CWF19L1: variants seen among roughly 807,000 people sequenced by gnomAD.
The protein encoded by CWF19L1 is CWF19-like protein 1.
In CWF19L1, 60 loss-of-function variants were observed where a neutral mutation model predicts 69.7. That is an observed-to-expected ratio of 0.86 (90% CI 0.70 to 1.07). CWF19L1 has a LOEUF of 1.07. CWF19L1 is among the 50% of genes least tolerant of loss of function. The pLI, the probability that CWF19L1 is intolerant of heterozygous loss-of-function variation, is 0.00. For synonymous variants in CWF19L1, 209 were observed against 222.2 expected (o/e 0.94, Z 0.53); for missense variants, 591 against 638.9 (o/e 0.92, Z 0.81).
At chr10:100,248,129 GA>G in intron 7 of CWF19L1, 1 of 543,778 alleles carries the variant, frequency 1.8e-6, no homozygotes. Flanking sequence ...TATTCAGTTT[GA>G]AAGGGCAATT....
intron 1 of CWF19L1, among the ~76,000 whole-genome samples, chr10:100,266,025 A>C (rs1847568953): frequency 6.6e-6 from 1 of 152,116 alleles, no homozygotes; most frequent in Non-Finnish European, 1.5e-5. Context: ...CTCATTTCTC[A>C]GAACATAACC....
intron 10 of CWF19L1, among the ~76,000 whole-genome samples, chr10:100,242,308 A>C (rs1278334081): frequency 1.3e-5 from 2 of 152,220 alleles, no homozygotes; most frequent in Non-Finnish European, 2.9e-5. Context: ...TCCACTACTA[A>C]GCAAAACTGA....
At chr10:100,259,594 C>T (rs1022759848) in intron 4 of CWF19L1, among the ~76,000 whole-genome samples, 4 of 152,118 alleles carry the variant, frequency 2.6e-5, no homozygotes, top group African/African-American at 9.7e-5. Context: ...CCTTAAGTAT[C>T]CCATATACTA....
At chr10:100,237,215 C>T (rs1296266238) in intron 11 of CWF19L1, 2 of 685,690 alleles carry the variant, frequency 2.9e-6, no homozygotes, top group South Asian at 1.4e-5. Flanking sequence ...CCGTCACAAG[C>T]CTTTGCCATC....
chr10:100,253,103 T>C (rs1009863474), intron 6 of CWF19L1, among the ~76,000 whole-genome samples: 1 of 152,182 alleles, frequency 6.6e-6, no homozygotes, highest in African/African-American at 2.4e-5. Flanking sequence ...CACTATAGTC[T>C]TGAACTCCTG....
rs1432325567 is a variant in CWF19L1 at position 100,233,220 on chromosome 10, C to T, written c.*7G>A. The T allele has an allele frequency of 6.3e-7, 1 of 1,596,778 alleles. No individual in the cohort carries two copies. The highest frequency in any genetic ancestry group is 1.8e-5 in the Admixed American group (1 of 56,726). ...TGTGGAGTTCATAAAAAGTTCTTCC[C>T]TTTGTTTTAGTCATCCAGAGTAAAG... On this transcript the variant is annotated 3_prime_UTR_variant, in exon 14 of 14. Coordinates refer to ENST00000354105, the MANE Select transcript of CWF19L1 (RefSeq NM_018294.6).
Position 100,236,866 on chromosome 10 carries a change from T to G in CWF19L1, c.1358A>C (p.His453Pro). The change falls in exon 12 of 14, where the codon CAC becomes CCC. Residue 453 changes from histidine to proline, a missense_variant. His to Pro is a moderately conservative substitution (Grantham distance 77). Around this residue, in one of 3 missense-constraint regions of CWF19L1, gnomAD observed 458 missense variants for 489.3 expected, o/e 0.94. Transcript: ENST00000354105. Reference sequence around the variant, plus strand: ...CTGTTTCACCTGCTTGATGTCAGAGTGCTCTGGGATTTCCAACAGCTCTAT... The same window carrying G: ...CTGTTTCACCTGCTTGATGTCAGAGGGCTCTGGGATTTCCAACAGCTCTAT... ...QQIELLEIPE[H>P]SDIKQIAQPG... 6.2e-7 allele frequency: 1 copy of G among 1,601,684 alleles called. No homozygotes were observed. The highest frequency in any genetic ancestry group is 8.5e-7 in the Non-Finnish European group (1 of 1,175,872).
Position 100,253,542 on chromosome 10 carries a change from A to G in CWF19L1, c.505-3T>C. 6.3e-7 allele frequency: 1 copy of G among 1,588,366 alleles called. No homozygotes were observed. The highest frequency in any genetic ancestry group is 1.1e-5 in the South Asian group (1 of 90,200). ...CATTTTTTGGTATCCACTTCTCCCT[A>G]GTAAACAAAAACTTAGTCATCCATA... On this transcript the variant is annotated splice_region_variant and splice_polypyrimidine_tract_variant and intron_variant, in intron 5 of 13. Coordinates refer to ENST00000354105, the MANE Select transcript of CWF19L1 (RefSeq NM_018294.6).
chr10:100,241,363 A>G (rs554004125), intron 10 of CWF19L1, among the ~76,000 whole-genome samples: 1 of 152,308 alleles, frequency 6.6e-6, no homozygotes, highest in African/African-American at 2.4e-5. Flanking sequence ...GGTGGAAACA[A>G]CACAGGCAGA....
intron 10 of CWF19L1, among the ~76,000 whole-genome samples, chr10:100,240,429 T>C (rs1846600952): frequency 1.3e-5 from 2 of 152,182 alleles, no homozygotes; most frequent in African/African-American, 2.4e-5. Context: ...CCAAAGGTCA[T>C]TACAGGTTTG....
At chr10:100,248,697 C>T in intron 7 of CWF19L1, 1 of 1,037,342 alleles carries the variant, frequency 9.6e-7, no homozygotes, top group Non-Finnish European at 1.5e-6. Flanking sequence ...AGCTGGTCTC[C>T]AGGCAGATGA....
intron 3 of CWF19L1, among the ~76,000 whole-genome samples, chr10:100,260,586 A>G (rs4919442): frequency 0.21 from 32,150 of 151,568 alleles, 6,334 homozygotes; most frequent in African/African-American, 0.53. Context: ...GCAGTGGTGC[A>G]ATCTCGGCTC....
chr10:100,243,621 G>T, intron 10 of CWF19L1, 77 bp downstream of exon 10: 5 of 1,241,772 alleles, frequency 4.0e-6, no homozygotes, highest in Middle Eastern at 1.9e-4. Flanking sequence ...AATGTTATAT[G>T]TAGATTATGC....
chr10:100,237,206 C>T (rs1371365866), intron 11 of CWF19L1: 9 of 700,472 alleles, frequency 1.3e-5, no homozygotes, highest in South Asian at 8.2e-5. Context: ...GAGATATCTC[C>T]GTCACAAGCC....
At chr10:100,260,522 A>AT (rs1847363821) in intron 3 of CWF19L1, among the ~76,000 whole-genome samples, 1 of 151,540 alleles carries the variant, frequency 6.6e-6, no homozygotes, top group South Asian at 2.1e-4. Flanking sequence ...TATTTTATTT[A>AT]TTTTATTTTT....
chr10:100,241,646 G>A (rs1477906951), intron 10 of CWF19L1, among the ~76,000 whole-genome samples: 1 of 152,254 alleles, frequency 6.6e-6, no homozygotes, highest in Non-Finnish European at 1.5e-5. Flanking sequence ...TTGTGGTTCT[G>A]TAGACTGGGA....
Position 100,262,075 on chromosome 10 carries a change from G to A in CWF19L1, c.24-12C>T. 6.2e-7 allele frequency: 1 copy of A among 1,607,558 alleles called. No homozygotes were observed. The highest frequency in any genetic ancestry group is 8.5e-7 in the Non-Finnish European group (1 of 1,178,326). On this transcript the variant is annotated splice_polypyrimidine_tract_variant and intron_variant, in intron 1 of 13. Coordinates refer to ENST00000354105, the MANE Select transcript of CWF19L1 (RefSeq NM_018294.6). ...CTCCACAAGCCAAGCTGCAAACAAA[G>A]AGATAAACATTATAGCAATTCAGGA...
chr10:100,249,982 G>A, intron 7 of CWF19L1: 1 of 450,506 alleles, frequency 2.2e-6, no homozygotes, highest in African/African-American at 2.0e-5. Flanking sequence ...CAACCACATA[G>A]ATGTGGAAGT....
intron 9 of CWF19L1, among the ~76,000 whole-genome samples, chr10:100,245,563 G>T (rs1846788939): frequency 6.6e-6 from 1 of 152,086 alleles, no homozygotes; most frequent in Non-Finnish European, 1.5e-5. Flanking sequence ...AACAAATGTT[G>T]ACAGGGATGT....
Sources: gnomAD v4.1 joint callset for allele counts (sites outside exome capture counted in the v4.1 genomes callset) on GRCh38, gnomAD v4.1.1 for gene constraint, gnomAD v4.1.1 regional missense constraint, MANE v1.5 for transcripts, NCBI Gene and HGNC (gene_info 2026-07-23, HGNC 2026-07-21) for gene names.